Variants in S100Z observed in about 807,000 individuals in gnomAD.
S100Z encodes S100 calcium binding protein Z.
A neutral mutation model predicts 8.5 loss-of-function variants in S100Z; 11 were observed. That is an observed-to-expected ratio of 1.30 (90% CI 0.82 to 2.15). The LOEUF is 2.15. S100Z is among the 30% of genes most tolerant of loss of function. The pLI, the probability that S100Z is intolerant of heterozygous loss-of-function variation, is 0.00. For missense variants in S100Z, 126 were observed against 117.9 expected (o/e 1.07, Z -0.32); for synonymous variants, 34 against 43.8 (o/e 0.78, Z 0.89).
In S100Z at chr5:76,857,486, C is replaced by T. The variant is rs371166945; in HGVS notation, c.-176+7331C>T. Among the ~76,000 whole-genome samples, 794 of 151,394 alleles carry T rather than the reference C, an allele frequency of 5.2e-3. 11 individuals are homozygous for T. Among genetic ancestry groups the T allele is most frequent in the African/African-American group, 0.018 (755 of 41,148 alleles). On this transcript the variant is annotated intron_variant, in intron 1 of 4. Coordinates refer to ENST00000317593, the MANE Select transcript of S100Z (RefSeq NM_130772.4). Reference sequence around the variant, plus strand: ...TTGGGTAGGATTTGCCCCCACCTCCCGTCCTGCCCCCATTTTTTTTTTTTT... The same window carrying T: ...TTGGGTAGGATTTGCCCCCACCTCCTGTCCTGCCCCCATTTTTTTTTTTTT...
chr5:76,854,894 C>T (rs1443839241), intron 1 of S100Z, among the ~76,000 whole-genome samples: 1 of 152,246 alleles, frequency 6.6e-6, no homozygotes, highest in Non-Finnish European at 1.5e-5. Flanking sequence ...CCCAGGGCCC[C>T]ATCACCTACC....
chr5:76,926,706 G>GAAA, the S100Z span, among the ~76,000 whole-genome samples: 1 of 152,142 alleles, frequency 6.6e-6, no homozygotes, highest in Admixed American at 6.5e-5. Flanking sequence ...AGCAAAGAGG[G>GAAA]GATCTGGAGA....
At chr5:76,894,326 C>T (rs1743961738) in intron 4 of S100Z, among the ~76,000 whole-genome samples, 1 of 152,192 alleles carries the variant, frequency 6.6e-6, no homozygotes, top group African/African-American at 2.4e-5. Flanking sequence ...TGATTGATGT[C>T]TCATGCTTCC....
intron 3 of S100Z, 106 bp downstream of exon 3, chr5:76,875,606 A>C (rs1233944520): frequency 2.3e-5 from 24 of 1,026,616 alleles, no homozygotes; most frequent in Non-Finnish European, 3.3e-5. Context: ...TCACAAATGC[A>C]GCCAAATTTG....
intron 4 of S100Z, among the ~76,000 whole-genome samples, chr5:76,894,995 T>C (rs2150664632): frequency 6.6e-6 from 1 of 152,292 alleles, no homozygotes; most frequent in South Asian, 2.1e-4. Flanking sequence ...GAAGTCTAAC[T>C]TTAAATGTCT....
At chr5:76,930,353 T>G in the S100Z span, among the ~76,000 whole-genome samples, 9 of 152,104 alleles carry the variant, frequency 5.9e-5, no homozygotes, top group African/African-American at 2.2e-4. Flanking sequence ...CACATCCAAA[T>G]TGTACCAAAA....
At chr5:76,876,115 A>C (rs1373125566) in intron 3 of S100Z, among the ~76,000 whole-genome samples, 1 of 152,168 alleles carries the variant, frequency 6.6e-6, no homozygotes, top group Non-Finnish European at 1.5e-5. Context: ...CCTCCAAGGA[A>C]AACACTTCAC....
the S100Z span, among the ~76,000 whole-genome samples, chr5:76,934,219 C>A: frequency 6.6e-6 from 1 of 152,196 alleles, no homozygotes; most frequent in African/African-American, 2.4e-5. Context: ...TCAGAATGAC[C>A]ATGAGTGCTT....
rs138285334 is a variant in S100Z, at chr5:76,898,863, A to G, written c.*2+21029A>G. Among the ~76,000 whole-genome samples, 429 of 149,354 alleles carry G rather than the reference A, an allele frequency of 2.9e-3. 2 individuals carry two copies. The highest frequency in any genetic ancestry group is 0.01 in the African/African-American group (413 of 40,694). On this transcript the variant is annotated intron_variant, in intron 4 of 4. Coordinates refer to ENST00000317593, the MANE Select transcript of S100Z (RefSeq NM_130772.4). ...TATTTTTTGGAATAGTTTGAGTAAG[A>G]TTGGCTTTAGTTCTTTAAATGTTTG...
chr5:76,865,149 T>G (rs1195027795), intron 1 of S100Z, among the ~76,000 whole-genome samples: 1 of 152,100 alleles, frequency 6.6e-6, no homozygotes, highest in East Asian at 1.9e-4. Flanking sequence ...CCTGAGACCT[T>G]CCAGTGGGAT....
chr5:76,881,308 C>G (rs538145314), intron 4 of S100Z, among the ~76,000 whole-genome samples: 1 of 152,316 alleles, frequency 6.6e-6, no homozygotes, highest in Admixed American at 6.5e-5. Context: ...GAAGAAATTA[C>G]CACGGTGGCC....
chr5:76,872,851 T>C (rs1393435715), intron 2 of S100Z, among the ~76,000 whole-genome samples: 2 of 152,120 alleles, frequency 1.3e-5, no homozygotes, highest in African/African-American at 4.8e-5. Flanking sequence ...TGTGAACCTG[T>C]AGTCCCAGCT....
intron 4 of S100Z, among the ~76,000 whole-genome samples, chr5:76,886,307 C>G (rs1743628683): frequency 1.3e-5 from 2 of 152,248 alleles, no homozygotes; most frequent in East Asian, 3.9e-4. Flanking sequence ...AATGTGTCTC[C>G]TTTGTCTCTA....
chr5:76,884,815 C>A (rs1743543617), intron 4 of S100Z, among the ~76,000 whole-genome samples: 1 of 151,826 alleles, frequency 6.6e-6, no homozygotes. Context: ...CGAGGAGCAG[C>A]CTGGGGAGAA....
At chr5:76,898,929 TTTTC>T (rs1304673161) in intron 4 of S100Z, among the ~76,000 whole-genome samples, 2 of 106,118 alleles carry the variant, frequency 1.9e-5, no homozygotes, top group African/African-American at 4.0e-5. Flanking sequence ...TGGGCTTTTC[TTTTC>T]TTTTTTTTTT....
chr5:76,904,737 G>A (rs1319120273), intron 4 of S100Z, among the ~76,000 whole-genome samples: 3 of 151,820 alleles, frequency 2.0e-5, no homozygotes, highest in Non-Finnish European at 4.4e-5. Flanking sequence ...TAGAGATGGG[G>A]TCTCCCTGTG....
downstream of S100Z, among the ~76,000 whole-genome samples, chr5:76,924,372 T>C (rs1425125873): frequency 6.6e-6 from 1 of 152,188 alleles, no homozygotes; most frequent in Non-Finnish European, 1.5e-5. Context: ...TTTTCTCCTA[T>C]TAATCTTCCT....
At chr5:76,863,658 C>T (rs964762005) in intron 1 of S100Z, among the ~76,000 whole-genome samples, 1 of 152,188 alleles carries the variant, frequency 6.6e-6, no homozygotes, top group African/African-American at 2.4e-5. Context: ...CCTGCCTCAG[C>T]CTCCCAAGTA....
intron 1 of S100Z, among the ~76,000 whole-genome samples, chr5:76,862,124 A>AGTGTGTGT (rs374825870): frequency 0.011 from 1,481 of 138,492 alleles, 16 homozygotes; most frequent in East Asian, 0.023. Context: ...AGGGATAAGG[A>AGTGTGTGT]GTGTGCGTGT....
Sources: allele counts gnomAD v4.1 joint callset (sites outside exome capture counted in the v4.1 genomes callset), GRCh38; gene constraint gnomAD v4.1.1; transcripts MANE v1.5; gene names NCBI Gene and HGNC (gene_info 2026-07-23, HGNC 2026-07-21).